CDH4: variants seen among roughly 807,000 people sequenced by gnomAD.
CDH4 encodes the protein cadherin-4.
CDH4 carries 33 observed loss-of-function variants against 86.0 expected under a neutral mutation model. That is an observed-to-expected ratio of 0.38 (90% CI 0.29 to 0.51). The LOEUF (loss-of-function observed/expected upper bound fraction) is 0.51. CDH4 is among the 20% of genes least tolerant of loss of function. The probability of loss-of-function intolerance (pLI) is 0.86; values close to 1 mark genes in which losing one functional copy is unlikely to be tolerated. For missense variants in CDH4, 1,114 were observed against 1,307.4 expected (o/e 0.85, Z 2.28); for synonymous variants, 555 against 549.4 (o/e 1.01, Z -0.14).
At chr20:61,850,303 GTTC>G (rs1018960716) in intron 5 of CDH4, among the ~76,000 whole-genome samples, 3 of 152,214 alleles carry the variant, frequency 2.0e-5, no homozygotes, top group African/African-American at 7.2e-5. Flanking sequence ...CGTGTGTAGG[GTTC>G]TTATAGCACT....
intron 2 of CDH4, among the ~76,000 whole-genome samples, chr20:61,533,489 C>T (rs1010586943): frequency 1.5e-4 from 23 of 152,376 alleles, no homozygotes; most frequent in African/African-American, 5.5e-4. Context: ...CCCGCGTGGC[C>T]TGAGAGGGCA....
chr20:61,648,532 G>A (rs905610313), intron 2 of CDH4, among the ~76,000 whole-genome samples: 3 of 152,200 alleles, frequency 2.0e-5, no homozygotes, highest in Non-Finnish European at 2.9e-5. Flanking sequence ...ACAGTATGGG[G>A]TGGGGATTTG....
At chr20:61,442,463 A>T (rs1240187608) in intron 2 of CDH4, among the ~76,000 whole-genome samples, 1 of 152,224 alleles carries the variant, frequency 6.6e-6, no homozygotes, top group Non-Finnish European at 1.5e-5. Context: ...GATCGTGAGA[A>T]CTCCAGTAAA....
At chr20:61,915,873 A>C (rs1000053770) in intron 9 of CDH4, among the ~76,000 whole-genome samples, 6 of 152,142 alleles carry the variant, frequency 3.9e-5, no homozygotes, top group Non-Finnish European at 7.3e-5. Flanking sequence ...ACTGCATGTC[A>C]ATTTTCAAAT....
intron 2 of CDH4, among the ~76,000 whole-genome samples, chr20:61,283,353 C>T (rs13039870): frequency 0.11 from 2,312 of 21,276 alleles, 523 homozygotes; most frequent in South Asian, 0.18. Context: ...TTTGCACGCG[C>T]GTGCTGTGGC....
chr20:61,833,247 A>T (rs1435245541), intron 4 of CDH4, among the ~76,000 whole-genome samples: 2 of 152,166 alleles, frequency 1.3e-5, no homozygotes, highest in Non-Finnish European at 2.9e-5. Flanking sequence ...GAGACCTAAA[A>T]GTGCCATCAT....
At chr20:61,432,323 C>T (rs1424180382) in intron 2 of CDH4, among the ~76,000 whole-genome samples, 2 of 152,172 alleles carry the variant, frequency 1.3e-5, no homozygotes, top group African/African-American at 4.8e-5. Context: ...AAATTATGGC[C>T]ATTCTAGTGA....
At chr20:61,874,131 G>A (rs551392486) in intron 7 of CDH4, among the ~76,000 whole-genome samples, 33 of 152,294 alleles carry the variant, frequency 2.2e-4, no homozygotes, top group African/African-American at 4.8e-4. Context: ...CAGCTGGTGC[G>A]TGTGGCTATG....
chr20:61,679,664 C>T (rs1266832753), intron 2 of CDH4, among the ~76,000 whole-genome samples: 1 of 152,212 alleles, frequency 6.6e-6, no homozygotes, highest in Non-Finnish European at 1.5e-5. Context: ...GAGCAGGGGC[C>T]TCCCCATCAT....
At chr20:61,612,831 T>C (rs1247673212) in intron 2 of CDH4, among the ~76,000 whole-genome samples, 1 of 152,116 alleles carries the variant, frequency 6.6e-6, no homozygotes, top group African/African-American at 2.4e-5. Context: ...GCATTTGGTG[T>C]GAGGTAGGGA....
At chr20:61,795,930 G>A (rs1032199817) in intron 4 of CDH4, among the ~76,000 whole-genome samples, 1 of 152,164 alleles carries the variant, frequency 6.6e-6, no homozygotes, top group East Asian at 1.9e-4. Context: ...CTGAGAGTAC[G>A]AGAACCTTTG....
intron 2 of CDH4, among the ~76,000 whole-genome samples, chr20:61,534,648 CTTTTCTTTCTTTCTTTCTT>C (rs1241183963): frequency 1.8e-5 from 2 of 108,384 alleles, no homozygotes; most frequent in African/African-American, 1.1e-4. Context: ...TTCTTTCTTT[CTTTTCTTTCTTTCTTTCTT>C]TTTTTTTTTT....
intron 2 of CDH4, among the ~76,000 whole-genome samples, chr20:61,433,300 A>G (rs1263963422): frequency 2.0e-5 from 3 of 152,116 alleles, no homozygotes; most frequent in Non-Finnish European, 2.9e-5. Context: ...TCGGGTATCA[A>G]TCAGCCGTCT....
intron 4 of CDH4, among the ~76,000 whole-genome samples, chr20:61,826,955 A>G (rs1243558340): frequency 7.1e-6 from 1 of 140,936 alleles, no homozygotes; most frequent in African/African-American, 2.8e-5. Context: ...CCATTTAAGA[A>G]GGGAAAAGTG....
intron 4 of CDH4, among the ~76,000 whole-genome samples, chr20:61,841,939 G>A (rs1362091452): frequency 6.6e-6 from 1 of 152,190 alleles, no homozygotes; most frequent in Non-Finnish European, 1.5e-5. Flanking sequence ...GACAGCCTTG[G>A]GGTGGCCGGT....
chr20:61,851,244 G>T (rs1327508391), intron 5 of CDH4, among the ~76,000 whole-genome samples: 1 of 152,246 alleles, frequency 6.6e-6, no homozygotes, highest in African/African-American at 2.4e-5. Flanking sequence ...GTGCTAGCTT[G>T]TCTCCTTACT....
intron 12 of CDH4, 126 bp downstream of exon 12, chr20:61,928,549 C>T: frequency 1.3e-6 from 1 of 787,710 alleles, no homozygotes; most frequent in Non-Finnish European, 2.1e-6. Context: ...GACTGTCCCA[C>T]CAAGGCTGGG....
At chr20:61,723,029 G>A (rs1053416579) in intron 2 of CDH4, among the ~76,000 whole-genome samples, 3 of 152,156 alleles carry the variant, frequency 2.0e-5, no homozygotes, top group Non-Finnish European at 4.4e-5. Flanking sequence ...CTGAGGAAGA[G>A]GACGCTGTAG....
At chr20:61,926,739 G>A (rs1482800292) in intron 11 of CDH4, among the ~76,000 whole-genome samples, 2 of 152,186 alleles carry the variant, frequency 1.3e-5, no homozygotes, top group East Asian at 3.9e-4. Context: ...TAGGCATGGT[G>A]GTGCACGCCT....
Sources: gnomAD v4.1 joint callset for allele counts (sites outside exome capture counted in the v4.1 genomes callset) on GRCh38, gnomAD v4.1.1 for gene constraint, MANE v1.5 for transcripts, NCBI Gene and HGNC (gene_info 2026-07-23, HGNC 2026-07-21) for gene names.